The following SHOC1 variants were observed in gnomAD, a reference collection of about 807,000 sequenced individuals.
SHOC1 encodes the protein protein shortage in chiasmata 1 ortholog.
SHOC1 carries 136 observed loss-of-function variants against 179.2 expected under a neutral mutation model. The observed-to-expected ratio is 0.76, with a 90% CI of 0.66 to 0.87. SHOC1 has a LOEUF of 0.87. Among genes scored for constraint, SHOC1 ranks in the 40% least tolerant of loss-of-function variants. The pLI, the probability that SHOC1 is intolerant of heterozygous loss-of-function variation, is 0.00. For missense variants in SHOC1, 1,538 were observed against 1,700.8 expected (o/e 0.90, Z 1.68); for synonymous variants, 489 against 586.6 (o/e 0.83, Z 2.41).
chr9:111,709,317 G>A (rs1179268567), intron 18 of SHOC1, among the ~76,000 whole-genome samples: 1 of 152,168 alleles, frequency 6.6e-6, no homozygotes, highest in African/African-American at 2.4e-5. Flanking sequence ...ACTCCAGCCT[G>A]GGCAACAAGA....
At chr9:111,711,804 T>G (rs1832564371) in intron 18 of SHOC1, among the ~76,000 whole-genome samples, 1 of 152,066 alleles carries the variant, frequency 6.6e-6, no homozygotes, top group Non-Finnish European at 1.5e-5. Flanking sequence ...AGGGCATGAG[T>G]TTGTGAGTTT....
Position 111,769,975 on chromosome 9 carries a change from G to GTTTTTTTTTTTTTTT in SHOC1, c.442+5815_442+5816insAAAAAAAAAAAAAAA. The stretch of plus-strand genomic sequence containing the variant: ...AATCTAGCGAAAGGTTTTATCTTCT[G>GTTTTTTTTTTTTTTT]TTTTTTTTTTGTTTTTTTTTTTTTT... On this transcript the variant is annotated intron_variant, in intron 5 of 27. Transcript: ENST00000682961. Among the ~76,000 whole-genome samples, 34 of 87,796 alleles carry GTTTTTTTTTTTTTTT rather than the reference G, an allele frequency of 3.9e-4. 2 individuals carry two copies. The highest frequency in any genetic ancestry group is 5.9e-3 in the Middle Eastern group (1 of 170). The allele number at this position is 87,796 out of a possible 152,430, so 57.6% of individuals were successfully genotyped here. A position where few individuals can be genotyped will look rare whatever the true frequency, so the allele number is the denominator to read the frequency against.
chr9:111,758,835 A>G lies in SHOC1; in HGVS notation c.456T>C (p.Asp152=). ...TACTTACAAAAAGTATTCCTTTATC[A>G]TCAATAAATAAATCTGAAAAGAAAT... is the stretch of plus-strand genomic sequence containing the variant. ...LQNQNQDLFI[D]DKGILFVSSR... Residue 152 remains aspartate, a synonymous_variant, in exon 6 of 28, where the codon GAT becomes GAC. Coordinates refer to ENST00000682961, the MANE Select transcript of SHOC1 (RefSeq NM_001378211.1). 2 of 1,504,284 alleles carry G rather than the reference A, an allele frequency of 1.3e-6. No individual in the cohort carries two copies. The highest frequency in any genetic ancestry group is 1.8e-6 in the Non-Finnish European group (2 of 1,107,964). The allele number at this position is 1,504,284 out of a possible 1,614,324, so 93.2% of individuals were successfully genotyped here.
intron 10 of SHOC1, among the ~76,000 whole-genome samples, chr9:111,745,984 AC>A (rs1357550455): frequency 6.6e-6 from 1 of 152,232 alleles, no homozygotes; most frequent in Admixed American, 6.5e-5. Flanking sequence ...TTGCTAGGTT[AC>A]CTAGTTCTTT....
intron 18 of SHOC1, 60 bp from the exon 19 acceptor site, chr9:111,707,984 T>A: frequency 1.1e-6 from 1 of 918,860 alleles, no homozygotes; most frequent in Non-Finnish European, 1.6e-6. Context: ...TTTTGGTATG[T>A]CATATATTTC....
chr9:111,754,274 G>A (rs1261591658), intron 8 of SHOC1, among the ~76,000 whole-genome samples: 1 of 151,992 alleles, frequency 6.6e-6, no homozygotes, highest in African/African-American at 2.4e-5. Context: ...ATAATAAAAA[G>A]AAAAATAACC....
chr9:111,725,905 T>G (rs1378809007), intron 13 of SHOC1, among the ~76,000 whole-genome samples: 1 of 152,204 alleles, frequency 6.6e-6, no homozygotes, highest in Admixed American at 6.5e-5. Flanking sequence ...CACTTTCTGT[T>G]GATAATATAC....
chr9:111,756,767 A>G (rs889218513), intron 7 of SHOC1, among the ~76,000 whole-genome samples: 12 of 152,202 alleles, frequency 7.9e-5, no homozygotes, highest in African/African-American at 2.7e-4. Context: ...CTAATAGCAA[A>G]TTGTAAACAT....
chr9:111,726,673 A>G, intron 13 of SHOC1, among the ~76,000 whole-genome samples: 1 of 152,192 alleles, frequency 6.6e-6, no homozygotes, highest in East Asian at 1.9e-4. Context: ...TTAATAGTAT[A>G]TGAGACAGTA....
chr9:111,699,901 A>C, intron 24 of SHOC1, 53 bp downstream of exon 24: 1 of 1,137,230 alleles, frequency 8.8e-7, no homozygotes, highest in Non-Finnish European at 1.3e-6. Flanking sequence ...AAGTTTGAGT[A>C]TAATTTTGGT....
At chr9:111,784,818 C>T (rs1460385290) in intron 3 of SHOC1, among the ~76,000 whole-genome samples, 1 of 152,138 alleles carries the variant, frequency 6.6e-6, no homozygotes, top group African/African-American at 2.4e-5. Context: ...GCTGGCCTCA[C>T]ATGGCAGAAA....
chr9:111,759,348 T>A, intron 5 of SHOC1: 1 of 1,520,464 alleles, frequency 6.6e-7, no homozygotes, highest in Non-Finnish European at 8.8e-7. Flanking sequence ...TATTCTTAAG[T>A]TATTCACATG....
At chr9:111,746,458 T>C (rs1290493424) in intron 9 of SHOC1, 116 bp from the exon 10 acceptor site, 5 of 589,296 alleles carry the variant, frequency 8.5e-6, no homozygotes, top group Admixed American at 7.8e-5. Context: ...GAGGATCACT[T>C]GAGTCCAGGA....
At chr9:111,789,474 A>C (rs1018510524) in intron 2 of SHOC1, among the ~76,000 whole-genome samples, 1 of 152,120 alleles carries the variant, frequency 6.6e-6, no homozygotes, top group Non-Finnish European at 1.5e-5. Context: ...AAATGTTTGA[A>C]GATTTTAAGT....
chr9:111,728,045 A>G lies in SHOC1; in HGVS notation c.1422T>C (p.Cys474=), dbSNP rs79700533. ...GTGAAGAATGACTTTTATGTTCTAG[A>G]CATGCTGAAAACAGAAAATAACAAC... ...LPTKVLQLES[C]LEHKSHSSPI... is the part of the protein sequence containing the mutation. The change falls in exon 13 of 28, where the codon TGT becomes TGC. Residue 474 remains cysteine, a synonymous_variant. Transcript: ENST00000682961. 1.7e-3 allele frequency: 2,587 copies of G among 1,566,708 alleles called. 39 individuals carry two copies. The African/African-American group carries it at 0.031, about 19-fold the overall frequency.
intron 18 of SHOC1, among the ~76,000 whole-genome samples, chr9:111,709,038 C>G (rs932570279): frequency 1.3e-5 from 2 of 152,018 alleles, no homozygotes; most frequent in African/African-American, 4.8e-5. Context: ...TAAGGTGATT[C>G]TTCTATTTAA....
At chr9:111,784,942 G>C (rs978301343) in intron 3 of SHOC1, among the ~76,000 whole-genome samples, 5 of 151,988 alleles carry the variant, frequency 3.3e-5, no homozygotes, top group African/African-American at 1.2e-4. Flanking sequence ...TATAAATTTG[G>C]GGGGACACAA....
At chr9:111,747,827 CG>C (rs1248445721) in intron 9 of SHOC1, among the ~76,000 whole-genome samples, 4 of 152,056 alleles carry the variant, frequency 2.6e-5, no homozygotes, top group African/African-American at 4.8e-5. Flanking sequence ...TTAAGTGATC[CG>C]CCCACCTCAG....
chr9:111,694,821 G>A (rs932834146), intron 24 of SHOC1, among the ~76,000 whole-genome samples: 6 of 151,972 alleles, frequency 3.9e-5, no homozygotes, highest in Admixed American at 6.6e-5. Context: ...TGAATTTGAT[G>A]TTGTATTCAA....
Sources: gnomAD v4.1 joint callset for allele counts (sites outside exome capture counted in the v4.1 genomes callset) on GRCh38, gnomAD v4.1.1 for gene constraint, MANE v1.5 for transcripts, NCBI Gene and HGNC (gene_info 2026-07-23, HGNC 2026-07-21) for gene names.